Variants in RMDN2 observed in about 807,000 individuals in gnomAD.
RMDN2 encodes regulator of microtubule dynamics 2, also known as regulator of microtubule dynamics protein 2.
A neutral mutation model predicts 52.8 loss-of-function variants in RMDN2; 61 were observed. The ratio of observed to expected loss-of-function variants is 1.16; its 90% confidence interval spans 0.94 to 1.43. The LOEUF (loss-of-function observed/expected upper bound fraction) is 1.43, where lower values mean the gene tolerates loss of function less well. Ranked by LOEUF, RMDN2 falls within the 40% of genes most tolerant of loss-of-function variation. The pLI is 0.00. For missense variants in RMDN2, 592 were observed against 475.3 expected, an observed-to-expected ratio of 1.25 and a Z score of -2.28; for synonymous variants, 180 against 153.1, an observed-to-expected ratio of 1.18 and a Z score of -1.30.
At chr2:38,026,416 C>G (rs7598520) in intron 10 of RMDN2, among the ~76,000 whole-genome samples, 108 of 152,116 alleles carry the variant, frequency 7.1e-4, no homozygotes, top group South Asian at 2.7e-3. Flanking sequence ...ATCAATGTTG[C>G]TGAGCTTCTG....
chr2:38,042,074 C>G (rs1680988671), intron 10 of RMDN2, among the ~76,000 whole-genome samples: 1 of 152,086 alleles, frequency 6.6e-6, no homozygotes, highest in African/African-American at 2.4e-5. Flanking sequence ...CCATCTGAGT[C>G]TGTTGCTATC....
intron 10 of RMDN2, among the ~76,000 whole-genome samples, chr2:38,060,055 G>A (rs890657803): frequency 2.7e-5 from 4 of 149,522 alleles, no homozygotes; most frequent in African/African-American, 9.8e-5. Flanking sequence ...GTGCCACGAC[G>A]CCCAGCTATT....
intron 2 of RMDN2, among the ~76,000 whole-genome samples, chr2:37,957,662 G>A (rs564393237): frequency 6.6e-6 from 1 of 152,242 alleles, no homozygotes; most frequent in African/African-American, 2.4e-5. Context: ...GATCCAATTT[G>A]TCTATTTTTA....
chr2:37,971,688 G>C (rs563253692), intron 2 of RMDN2, among the ~76,000 whole-genome samples: 6 of 151,942 alleles, frequency 3.9e-5, no homozygotes, highest in Admixed American at 1.3e-4. Flanking sequence ...CTGTTTCTAG[G>C]CTCTGTTCTA....
At chr2:38,013,119 A>C (rs1251077773) in intron 10 of RMDN2, among the ~76,000 whole-genome samples, 1 of 152,212 alleles carries the variant, frequency 6.6e-6, no homozygotes, top group Admixed American at 6.5e-5. Flanking sequence ...GTAATCTCAG[A>C]TCCTGAGAAA....
intron 5 of RMDN2, among the ~76,000 whole-genome samples, chr2:37,986,128 C>A (rs962879731): frequency 1.3e-5 from 2 of 151,988 alleles, no homozygotes; most frequent in Admixed American, 6.6e-5. Context: ...TGATAATGCC[C>A]ATGACAAAAA....
intron 1 of RMDN2, among the ~76,000 whole-genome samples, chr2:37,927,148 A>G (rs929577500): frequency 2.0e-5 from 3 of 152,016 alleles, no homozygotes; most frequent in Non-Finnish European, 2.9e-5. Context: ...CGTTGATTCT[A>G]TTTTTTTCTA....
intron 10 of RMDN2, among the ~76,000 whole-genome samples, chr2:38,010,248 G>C (rs1677767639): frequency 6.6e-6 from 1 of 152,160 alleles, no homozygotes; most frequent in Non-Finnish European, 1.5e-5. Context: ...TGTCAGACAG[G>C]GACATTTAAG....
intron 9 of RMDN2, 39 bp from the exon 10 acceptor site, chr2:38,004,097 A>G (rs774267177): frequency 6.2e-7 from 1 of 1,607,714 alleles, no homozygotes; most frequent in South Asian, 1.1e-5. Flanking sequence ...ATCGCATAAA[A>G]ACGGATTATG....
chr2:38,018,139 A>C (rs114027521), downstream of RMDN2, among the ~76,000 whole-genome samples: 1,342 of 152,304 alleles, frequency 8.8e-3, 17 homozygotes, highest in African/African-American at 0.031. Context: ...GGCCACCTGG[A>C]CGTATAATGC....
chr2:37,944,586 T>C (rs569380767), intron 2 of RMDN2, among the ~76,000 whole-genome samples: 1 of 152,322 alleles, frequency 6.6e-6, no homozygotes, highest in African/African-American at 2.4e-5. Flanking sequence ...GGGACTGAAC[T>C]GTGTTTACCG....
At chr2:38,003,604 G>GATAGATAGATAGATAGGCAGA (rs1306774545) in intron 8 of RMDN2, among the ~76,000 whole-genome samples, 1 of 103,168 alleles carries the variant, frequency 9.7e-6, no homozygotes, top group East Asian at 3.2e-4. Context: ...AGATAGATAG[G>GATAGATAGATAGATAGGCAGA]CAGACAGACA....
chr2:37,932,919 C>G (rs1666935310), intron 2 of RMDN2, among the ~76,000 whole-genome samples: 1 of 149,412 alleles, frequency 6.7e-6, no homozygotes, highest in South Asian at 2.1e-4. Flanking sequence ...GGGGGCTGAC[C>G]CCCCCACCTC....
Position 37,974,406 on chromosome 2 carries a change from A to T in RMDN2, c.627+192A>T, listed in dbSNP as rs186406595. ...AAGATGCATAAAATTTTAAAAAAGT[A>T]AATGTAAAAGTTTATTAGACTCTAA... On this transcript the variant is annotated intron_variant, in intron 3 of 10. Coordinates refer to ENST00000354545, the MANE Select transcript of RMDN2 (RefSeq NM_001170791.3). Among the ~76,000 whole-genome samples the T allele has an allele frequency of 3.9e-5, 6 of 152,082 alleles. No individual in the cohort carries two copies. In the East Asian group the frequency reaches 1.2e-3, roughly 29 times the overall value.
rs1390455396 is a variant in RMDN2, at chr2:38,004,195, G to A, written c.1158G>A (p.Leu386=). 1.9e-5 allele frequency: 31 copies of A among 1,613,436 alleles called. No homozygotes were observed. The highest frequency in any genetic ancestry group is 2.4e-5 in the Non-Finnish European group (28 of 1,179,652). ...NALKFCNLAL[L]LPTVTKEDKE... Reference sequence around the variant, plus strand: ...TGAAGTTCTGTAATTTGGCTTTATTGCTTCCTACTGTTACCAAAGAGGTAA... The same window carrying A: ...TGAAGTTCTGTAATTTGGCTTTATTACTTCCTACTGTTACCAAAGAGGTAA... The change falls in exon 10 of 11, where the codon TTG becomes TTA. Residue 386 remains leucine, a synonymous_variant. Coordinates refer to ENST00000354545, the MANE Select transcript of RMDN2 (RefSeq NM_001170791.3).
At chr2:38,050,798 G>A (rs1056824887) in intron 10 of RMDN2, among the ~76,000 whole-genome samples, 2 of 152,108 alleles carry the variant, frequency 1.3e-5, no homozygotes, top group African/African-American at 2.4e-5. Context: ...TCGCTCTGTC[G>A]CACAGGCTGG....
intron 1 of RMDN2, among the ~76,000 whole-genome samples, chr2:37,926,318 G>A (rs1666139452): frequency 6.6e-6 from 1 of 152,128 alleles, no homozygotes; most frequent in African/African-American, 2.4e-5. Flanking sequence ...ACTAGAACAT[G>A]GAAATGAAAT....
intron 10 of RMDN2, among the ~76,000 whole-genome samples, chr2:38,065,486 T>C (rs931376751): frequency 2.6e-5 from 4 of 152,170 alleles, no homozygotes; most frequent in African/African-American, 9.6e-5. Flanking sequence ...CTGTATAACA[T>C]TGTCTCACCT....
At chr2:37,979,992 G>A (rs1252242866) in intron 4 of RMDN2, among the ~76,000 whole-genome samples, 2 of 151,760 alleles carry the variant, frequency 1.3e-5, no homozygotes, top group Admixed American at 6.6e-5. Context: ...AATTTATGTC[G>A]ATTTCTACAC....
Sources: gnomAD v4.1 joint callset for allele counts (sites outside exome capture counted in the v4.1 genomes callset) on GRCh38, gnomAD v4.1.1 for gene constraint, MANE v1.5 for transcripts, NCBI Gene and HGNC (gene_info 2026-07-23, HGNC 2026-07-21) for gene names.